The following GMDS variants were observed in gnomAD, a reference collection of about 807,000 sequenced individuals.
GMDS encodes the protein GDP-mannose 4,6-dehydratase.
GMDS carries 20 observed loss-of-function variants against 49.9 expected under a neutral mutation model. The ratio of observed to expected loss-of-function variants is 0.40; its 90% CI spans 0.28 to 0.58. GMDS has a LOEUF of 0.58. Among genes scored for constraint, GMDS ranks in the 20% least tolerant of loss-of-function variants. The probability of loss-of-function intolerance (pLI) is 0.42; values close to 1 mark genes in which losing one functional copy is unlikely to be tolerated. For missense variants in GMDS, 362 were observed against 481.4 expected, an observed-to-expected ratio of 0.75 and a Z score of 2.32; for synonymous variants, 177 against 178.6, an observed-to-expected ratio of 0.99 and a Z score of 0.07.
Position 1,960,897 on chromosome 6 carries a change from C to T in GMDS, c.415G>A (p.Val139Ile), listed in dbSNP as rs1763902527. 6.2e-7 allele frequency: 1 copy of T among 1,610,214 alleles called. No individual in the cohort carries two copies. Among genetic ancestry groups the T allele is most frequent in the Admixed American group, 1.7e-5 (1 of 59,970 alleles). ...GVGTLRLLDA[V>I]KTCGLINSVK... is the part of the protein sequence containing the mutation. ...GAGTTGATAAGGCCACAAGTCTTAA[C>T]TGCATCTAGAAGTCGTAGAGTGCCA... Residue 139 changes from valine to isoleucine, a missense_variant, in exon 5 of 11, where the codon GTT (valine) becomes ATT (isoleucine). Val to Ile is a conservative substitution (Grantham distance 29, BLOSUM62 3). Coordinates refer to ENST00000380815, the MANE Select transcript of GMDS (RefSeq NM_001500.4).
intron 1 of GMDS, among the ~76,000 whole-genome samples, chr6:2,175,279 T>C (rs568603440): frequency 2.0e-5 from 3 of 152,186 alleles, no homozygotes; most frequent in Non-Finnish European, 2.9e-5. Flanking sequence ...AATTGAAAAA[T>C]TGAAGGTGGA....
intron 7 of GMDS, among the ~76,000 whole-genome samples, chr6:1,776,786 A>G (rs374248738): frequency 7.2e-5 from 11 of 152,182 alleles, no homozygotes; most frequent in African/African-American, 2.7e-4. Flanking sequence ...AAATTTTCAA[A>G]GCACTGATTT....
In GMDS at chr6:1,706,020, A is replaced by C. The variant is rs531333256; in HGVS notation, c.987+20396T>G. On this transcript the variant is annotated intron_variant, in intron 9 of 10. Coordinates refer to ENST00000380815, the MANE Select transcript of GMDS (RefSeq NM_001500.4). ...ATTCGTCATTGTGGAATAGCAATTA[A>C]CCGGTTGTTGATAAGGTGCCTGGAA... Among the ~76,000 whole-genome samples the C allele has an allele frequency of 5.3e-5, 8 of 152,316 alleles. No individual in the cohort carries two copies. The South Asian group carries it at 1.5e-3, about 28-fold the overall frequency.
intron 1 of GMDS, among the ~76,000 whole-genome samples, chr6:2,183,292 C>A (rs1352437957): frequency 6.6e-6 from 1 of 152,060 alleles, no homozygotes; most frequent in Non-Finnish European, 1.5e-5. Flanking sequence ...GGAAAAGGGT[C>A]AAAATAGCAA....
chr6:2,072,216 T>A (rs1450124476), intron 4 of GMDS, among the ~76,000 whole-genome samples: 1 of 152,184 alleles, frequency 6.6e-6, no homozygotes, highest in Non-Finnish European at 1.5e-5. Flanking sequence ...AATTTACATT[T>A]AAAAACTTTT....
At chr6:1,717,246 T>C (rs1766207807) in intron 9 of GMDS, among the ~76,000 whole-genome samples, 1 of 152,230 alleles carries the variant, frequency 6.6e-6, no homozygotes, top group South Asian at 2.1e-4. Context: ...TGATTACTTG[T>C]TACATCAGCA....
intron 7 of GMDS, among the ~76,000 whole-genome samples, chr6:1,813,178 T>G (rs1770513513): frequency 7.2e-6 from 1 of 138,180 alleles, no homozygotes; most frequent in Admixed American, 8.2e-5. Context: ...GCTGTGAATG[T>G]GCCGCCGCAC....
At chr6:2,050,272 T>C (rs1303764456) in intron 4 of GMDS, among the ~76,000 whole-genome samples, 1 of 152,126 alleles carries the variant, frequency 6.6e-6, no homozygotes, top group Non-Finnish European at 1.5e-5. Flanking sequence ...AACTGGAACA[T>C]GTAGAAGAAA....
intron 4 of GMDS, among the ~76,000 whole-genome samples, chr6:1,994,949 G>A (rs1766185476): frequency 6.6e-6 from 1 of 152,094 alleles, no homozygotes; most frequent in South Asian, 2.1e-4. Context: ...CCCAACAAAG[G>A]AAAAACTAAA....
intron 9 of GMDS, among the ~76,000 whole-genome samples, chr6:1,644,992 G>A (rs1763443220): frequency 6.7e-6 from 1 of 149,296 alleles, no homozygotes. Flanking sequence ...CTGGAGTGCA[G>A]TGGCGTGATC....
In GMDS at chr6:2,197,176, C is replaced by T. The variant is rs144253585; in HGVS notation, c.102+48145G>A. Among the ~76,000 whole-genome samples, 450 of 152,320 alleles carry T rather than the reference C, an allele frequency of 3.0e-3. 1 individual carries two copies. The highest frequency in any genetic ancestry group is 4.3e-3 in the Non-Finnish European group (294 of 68,022). ...TCCATTATGATAACTGTTCCCATTA[C>T]TGGCTTTAGTAGGAGGTGATGCCAG... On this transcript the variant is annotated intron_variant, in intron 1 of 10. Transcript: ENST00000380815.
Position 1,623,964 on chromosome 6 carries a change from G to GCGACC in GMDS, c.*200_*204dup. ...CAGAGGAGGCTTCGACAAACGCAAA[G>GCGACC]CGACCCAAACCCTGGAGGGTCACAT... On this transcript the variant is annotated 3_prime_UTR_variant, in exon 11 of 11. Transcript: ENST00000380815. 1.9e-6 allele frequency: 1 copy of GCGACC among 528,922 alleles called. No homozygotes were observed. Among genetic ancestry groups the GCGACC allele is most frequent in the Non-Finnish European group, 3.4e-6 (1 of 298,136 alleles). The allele number at this position is 528,922 out of a possible 1,614,324, so 32.8% of individuals were successfully genotyped here.
At chr6:2,055,384 C>G (rs1041293316) in intron 4 of GMDS, among the ~76,000 whole-genome samples, 1 of 152,072 alleles carries the variant, frequency 6.6e-6, no homozygotes, top group Non-Finnish European at 1.5e-5. Context: ...GAAAGCCACA[C>G]ATAGGCATGT....
intron 1 of GMDS, among the ~76,000 whole-genome samples, chr6:2,210,823 C>A (rs1324746772): frequency 6.6e-6 from 1 of 152,170 alleles, no homozygotes; most frequent in Non-Finnish European, 1.5e-5. Context: ...GTGTCCCCAT[C>A]CAAATCTCAT....
intron 1 of GMDS, among the ~76,000 whole-genome samples, chr6:2,156,444 G>A (rs1002307632): frequency 2.0e-5 from 3 of 152,034 alleles, no homozygotes; most frequent in Non-Finnish European, 4.4e-5. Flanking sequence ...GCACATGCTC[G>A]ACAAATGGTG....
chr6:1,791,428 G>A (rs1363523156), intron 7 of GMDS, among the ~76,000 whole-genome samples: 1 of 152,134 alleles, frequency 6.6e-6, no homozygotes, highest in African/African-American at 2.4e-5. Flanking sequence ...GTGGTGGGCT[G>A]GGGGAGAGCT....
At chr6:2,151,378 T>C (rs1313663760) in intron 1 of GMDS, among the ~76,000 whole-genome samples, 1 of 152,012 alleles carries the variant, frequency 6.6e-6, no homozygotes, top group African/African-American at 2.4e-5. Flanking sequence ...CAAAAGCAAA[T>C]ATAACTTGTA....
chr6:2,167,931 GC>G (rs1777751135), intron 1 of GMDS, among the ~76,000 whole-genome samples: 1 of 152,212 alleles, frequency 6.6e-6, no homozygotes, highest in Non-Finnish European at 1.5e-5. Flanking sequence ...AATAAGTACT[GC>G]TTAAATAAGC....
intron 9 of GMDS, among the ~76,000 whole-genome samples, chr6:1,647,424 C>T (rs1369176381): frequency 6.6e-6 from 1 of 152,012 alleles, no homozygotes. Flanking sequence ...AAAGAGTGTC[C>T]CCAGCAGGCT....
Sources: gnomAD v4.1 joint callset for allele counts (sites outside exome capture counted in the v4.1 genomes callset) on GRCh38, gnomAD v4.1.1 for gene constraint, MANE v1.5 for transcripts, NCBI Gene and HGNC (gene_info 2026-07-23, HGNC 2026-07-21) for gene names.